The following FAM110C variants were observed in gnomAD, a reference collection of about 807,000 sequenced individuals.
The protein encoded by FAM110C is family with sequence similarity 110 member C.
FAM110C carries 19 observed loss-of-function variants against 15.7 expected under a neutral mutation model. The observed-to-expected ratio is 1.21, with a 90% CI of 0.85 to 1.78. FAM110C has a LOEUF of 1.78. Ranked by LOEUF, FAM110C falls within the 40% of genes most tolerant of loss-of-function variation. The pLI, the probability that FAM110C is intolerant of heterozygous loss-of-function variation, is 0.00. For synonymous variants in FAM110C, 275 were observed against 233.9 expected, an observed-to-expected ratio of 1.18 and a Z score of -1.61; for missense variants, 547 against 495.7, an observed-to-expected ratio of 1.10 and a Z score of -0.98.
At chr2:44,119 A>G (rs368335919) in intron 1 of FAM110C, 7 of 985,316 alleles carry the variant, frequency 7.1e-6, no homozygotes, top group South Asian at 9.4e-5. Flanking sequence ...GCATTCATTC[A>G]TCTCAGATCC....
rs1664078913 is a variant in FAM110C, at chr2:39,861, TA to T, written c.*1746del. The T allele has an allele frequency of 6.6e-6, 1 of 152,376 alleles. No homozygotes were observed. The highest frequency in any genetic ancestry group is 2.1e-4 in the South Asian group (1 of 4,830). 9.4% of individuals were successfully genotyped at this position (152,376 alleles called of 1,614,324 possible). A position where few individuals can be genotyped will look rare whatever the true frequency, so the allele number is the denominator to read the frequency against. On this transcript the variant is annotated 3_prime_UTR_variant, in exon 2 of 2. Transcript: ENST00000327669. ...GAATTGGGTATATGAAAAGATCCTT[TA>T]AAAAACTGCTCTCATCTTTCACATT...
At chr2:42,999 G>C (rs767620450) in intron 1 of FAM110C, 25 of 985,342 alleles carry the variant, frequency 2.5e-5, no homozygotes, top group South Asian at 1.9e-4. Context: ...ACACTCTGTC[G>C]TGGCTTTCCC....
intron 1 of FAM110C, chr2:43,148 A>G: frequency 2.0e-5 from 20 of 985,474 alleles, no homozygotes; most frequent in Non-Finnish European, 2.4e-5. Flanking sequence ...CACCCCTGGT[A>G]GCCGGGCAGT....
At chr2:44,501 A>T in intron 1 of FAM110C, 1 of 985,404 alleles carries the variant, frequency 1.0e-6, no homozygotes, top group African/African-American at 1.7e-5. Flanking sequence ...AAATTTACTT[A>T]TAGCAAGTTG....
At position 46,228 on chromosome 2, in the gene FAM110C, C is replaced by A; in HGVS notation, c.158G>T (p.Gly53Val). 1 of 1,399,204 alleles carries A rather than the reference C, an allele frequency of 7.1e-7. No individual in the cohort carries two copies. The highest frequency in any genetic ancestry group is 9.3e-7 in the Non-Finnish European group (1 of 1,080,386). The allele number at this position is 1,399,204 out of a possible 1,614,324, so 86.7% of individuals were successfully genotyped here. A position where few individuals can be genotyped will look rare whatever the true frequency, so the allele number is the denominator to read the frequency against. The change falls in exon 1 of 2, where the codon GGG becomes GTG. Residue 53 changes from glycine (G) to valine (V), a missense_variant. Physicochemically the swap from Gly to Val is moderately radical, Grantham distance 109. Coordinates refer to ENST00000327669, the MANE Select transcript of FAM110C (RefSeq NM_001077710.3). Reference sequence around the variant, plus strand: ...CTCGGAAGCGACGCCCCGGCCAGTCCCCGGCCGACCCCGCACATACTTGGC... The same window carrying A: ...CTCGGAAGCGACGCCCCGGCCAGTCACCGGCCGACCCCGCACATACTTGGC... The part of the protein sequence containing the change: ...DRAKYVRGRP[G>V]TGRGVASEGS...
Position 45,800 on chromosome 2 carries a change from C to T in FAM110C, c.586G>A (p.Gly196Arg). The change falls in exon 1 of 2, where the codon GGG becomes AGG. Residue 196 changes from glycine (G) to arginine (R), a missense_variant. Gly to Arg is a moderately radical substitution (Grantham distance 125). Transcript: ENST00000327669. ...AGGTCCGACTGTGAGCGCTGCAGCC[C>T]CCGACGCCTCACCACCCGCGGCTCT... ...GPEPRVVRRR[G>R]LQRSQSDLSS... 1 of 1,552,300 alleles carries T rather than the reference C, an allele frequency of 6.4e-7. No individual in the cohort carries two copies.
rs368675561 is a variant in FAM110C, at chr2:45,622, G to T, written c.764C>A (p.Thr255Asn). The T allele has an allele frequency of 1.9e-5, 30 of 1,613,196 alleles. No individual in the cohort carries two copies. Among genetic ancestry groups the T allele is most frequent in the Middle Eastern group, 1.7e-4 (1 of 6,058 alleles). Residue 255 changes from threonine to asparagine, a missense_variant, in exon 1 of 2, where the codon ACC (threonine) becomes AAC (asparagine). Transcript: ENST00000327669. The stretch of plus-strand genomic sequence containing the variant: ...GTGCCGGGAGAAGCCGCTGCCGGAG[G>T]TGGCGACGCTCACGCTGCGCACCTT... ...TLKVRSVSVA[T>N]SGSGFSRHSG...
In FAM110C at chr2:46,337, G is replaced by T; in HGVS notation, c.49C>A (p.Pro17Thr). 7.6e-7 allele frequency: 1 copy of T among 1,315,030 alleles called. No homozygotes were observed. Among genetic ancestry groups the T allele is most frequent in the Non-Finnish European group, 9.6e-7 (1 of 1,037,398 alleles). The allele number at this position is 1,315,030 out of a possible 1,614,324, so 81.5% of individuals were successfully genotyped here. Reference protein sequence around the residue: ...LSAPPNERLLPRDPAATRDPD... With the variant: ...LSAPPNERLLTRDPAATRDPD... ...TCCCGGGTAGCCGCGGGGTCCCGGG[G>T]AAGGAGCCGCTCGTTCGGGGGCGCG... Residue 17 changes from proline to threonine, a missense_variant, in exon 1 of 2, where the codon CCC becomes ACC. Physicochemically the swap from Pro to Thr is conservative, Grantham distance 38. Transcript: ENST00000327669.
rs1457725319 is a variant in FAM110C, at chr2:46,066, C to T, written c.320G>A (p.Cys107Tyr). The T allele has an allele frequency of 2.6e-6, 4 of 1,527,432 alleles. No homozygotes were observed. Among genetic ancestry groups the T allele is most frequent in the Non-Finnish European group, 3.5e-6 (4 of 1,144,558 alleles). The allele number at this position is 1,527,432 out of a possible 1,614,324, so 94.6% of individuals were successfully genotyped here. ...GGCGCCCGATCCTCGCACGAATTCG[C>T]ATTTCTGCCGGTAGATGATCAGCGA... Reference protein sequence around the residue: ...PDSLIIYRQKCEFVRGSGADG... With the variant: ...PDSLIIYRQKYEFVRGSGADG... Residue 107 changes from cysteine (C) to tyrosine (Y), a missense_variant, in exon 1 of 2, where the codon TGC (cysteine) becomes TAC (tyrosine). Coordinates refer to ENST00000327669, the MANE Select transcript of FAM110C (RefSeq NM_001077710.3).
chr2:43,826 C>A, intron 1 of FAM110C: 1 of 985,408 alleles, frequency 1.0e-6, no homozygotes, highest in Non-Finnish European at 1.2e-6. Context: ...CTTCAATAGA[C>A]AACTTTTTTT....
intron 1 of FAM110C, chr2:44,689 G>A (rs1037576999): frequency 1.0e-5 from 10 of 985,372 alleles, no homozygotes; most frequent in Admixed American, 6.1e-5. Context: ...AGAGCTCGAG[G>A]TCAATCCGGC....
In FAM110C at chr2:45,693, G is replaced by A. The variant is rs553421430; in HGVS notation, c.693C>T (p.Ala231=). 2.5e-6 allele frequency: 4 copies of A among 1,605,070 alleles called. No individual in the cohort carries two copies. Among genetic ancestry groups the A allele is most frequent in the Middle Eastern group, 1.7e-4 (1 of 6,052 alleles). ...YCGLDPEVVE[A]LGRENFTAGS... is the part of the protein sequence containing the mutation. ...CCGCGGTGAAGTTCTCCCTCCCCAG[G>A]GCCTCCACCACCTCGGGGTCCAGGC... The change falls in exon 1 of 2, where the codon GCC becomes GCT. Residue 231 remains alanine, a synonymous_variant. Coordinates refer to ENST00000327669, the MANE Select transcript of FAM110C (RefSeq NM_001077710.3).
chr2:44,680 G>A (rs1664228446), intron 1 of FAM110C: 2 of 985,270 alleles, frequency 2.0e-6, no homozygotes, highest in African/African-American at 1.7e-5. Context: ...AAAGCAAAAA[G>A]AGCTCGAGGT....
At chr2:43,857 G>T in intron 1 of FAM110C, 2 of 985,416 alleles carry the variant, frequency 2.0e-6, no homozygotes, top group Non-Finnish European at 1.2e-6. Flanking sequence ...CCATTTCTGG[G>T]TTTCAGTCAT....
intron 1 of FAM110C, chr2:44,060 C>T (rs1001892464): frequency 1.9e-5 from 19 of 985,422 alleles, no homozygotes; most frequent in Non-Finnish European, 2.2e-5. Context: ...TGGCCACTCT[C>T]CAAAGCTCCT....
rs1329073636 is a variant in FAM110C, at chr2:39,718, T to G, written c.*1890A>C. The G allele has an allele frequency of 6.6e-6, 1 of 152,216 alleles. No homozygotes were observed. Among genetic ancestry groups the G allele is most frequent in the Non-Finnish European group, 1.5e-5 (1 of 68,042 alleles). 9.4% of individuals were successfully genotyped at this position (152,216 alleles called of 1,614,324 possible). On this transcript the variant is annotated 3_prime_UTR_variant, in exon 2 of 2. Transcript: ENST00000327669. Reference sequence around the variant, plus strand: ...GATATGAATGATGAGTCTGCATGATTTTTATCTTAAATAAATCTGACCCAG... The same window carrying G: ...GATATGAATGATGAGTCTGCATGATGTTTATCTTAAATAAATCTGACCCAG...
Position 46,090 on chromosome 2 carries a change from G to T in FAM110C, c.296C>A (p.Ser99Ter). 1.3e-6 allele frequency: 2 copies of T among 1,520,658 alleles called. No individual in the cohort carries two copies. Among genetic ancestry groups the T allele is most frequent in the East Asian group, 2.6e-5 (1 of 37,824 alleles). 94.2% of individuals were successfully genotyped at this position (1,520,658 alleles called of 1,614,324 possible). A position where few individuals can be genotyped will look rare whatever the true frequency, so the allele number is the denominator to read the frequency against. Residue 99 changes from serine to a stop codon, truncating the protein, a stop_gained, in exon 1 of 2, where the codon TCG becomes TAG. Coordinates refer to ENST00000327669, the MANE Select transcript of FAM110C (RefSeq NM_001077710.3). LOFTEE classifies it high-confidence loss of function. ...AIARKPLRPDSLIIYRQKCEF... is the reference protein window; with the variant it reads ...AIARKPLRPD ...GCATTTCTGCCGGTAGATGATCAGC[G>T]AGTCCGGTCTCAACGGCTTCCGCGC... is the stretch of plus-strand genomic sequence containing the variant.
chr2:42,729 T>C, intron 1 of FAM110C: 1 of 613,486 alleles, frequency 1.6e-6, no homozygotes, highest in Non-Finnish European at 2.0e-6. Context: ...ACACTTTTAT[T>C]ATAAGTTGTA....
chr2:41,381 C>T lies in FAM110C; in HGVS notation c.*227G>A. ...CCTCTGGAAGCAACACTAGTTTCAC[C>T]TCAAACAAGGAAGACACCTCTTGGA... On this transcript the variant is annotated 3_prime_UTR_variant, in exon 2 of 2. Coordinates refer to ENST00000327669, the MANE Select transcript of FAM110C (RefSeq NM_001077710.3). 1 of 437,492 alleles carries T rather than the reference C, an allele frequency of 2.3e-6. No homozygotes were observed. Among genetic ancestry groups the T allele is most frequent in the Non-Finnish European group, 4.0e-6 (1 of 250,850 alleles). 27.1% of individuals were successfully genotyped at this position (437,492 alleles called of 1,614,324 possible).
Sources: gnomAD v4.1 joint callset for allele counts on GRCh38, gnomAD v4.1.1 for gene constraint, MANE v1.5 for transcripts, NCBI Gene and HGNC (gene_info 2026-07-23, HGNC 2026-07-21) for gene names.